The following SMIM14 variants were observed in gnomAD, a reference collection of about 807,000 sequenced individuals.
SMIM14 encodes small integral membrane protein 14, also known as chromosome 4 open reading frame 34.
SMIM14 carries 5 observed loss-of-function variants against 12.6 expected under a neutral mutation model. The observed-to-expected ratio is 0.40, with a 90% CI of 0.21 to 0.83. SMIM14 has a LOEUF of 0.83. Among genes scored for constraint, SMIM14 ranks in the 40% least tolerant of loss-of-function variants. The pLI, the probability that SMIM14 is intolerant of heterozygous loss-of-function variation, is 0.37. For synonymous variants in SMIM14, 30 were observed against 40.1 expected, an observed-to-expected ratio of 0.75 and a Z score of 0.95; for missense variants, 86 against 119.1, an observed-to-expected ratio of 0.72 and a Z score of 1.29.
rs1747360783 is a variant in SMIM14 at position 39,546,709 on chromosome 4, GATTAA to G, written c.*5412_*5416del. 1 of 152,188 alleles carries G rather than the reference GATTAA, an allele frequency of 6.6e-6. No individual in the cohort carries two copies. Among genetic ancestry groups the G allele is most frequent in the African/African-American group, 2.4e-5 (1 of 41,456 alleles). The allele number at this position is 152,188 out of a possible 1,614,324, so 9.4% of individuals were successfully genotyped here. On this transcript the variant is annotated 3_prime_UTR_variant, in exon 5 of 5. Coordinates refer to ENST00000295958, the MANE Select transcript of SMIM14 (RefSeq NM_174921.3). ...GTTGACATGTACATGACAATCTTTA[GATTAA>G]ATCATAAAAAGTTGACTGTCTCCAA...
chr4:39,555,128 G>A (rs1460637484), intron 4 of SMIM14, among the ~76,000 whole-genome samples: 4 of 151,298 alleles, frequency 2.6e-5, no homozygotes, highest in East Asian at 3.9e-4. Flanking sequence ...GAGCCACCGC[G>A]CCCGGCCTCA....
chr4:39,557,169 G>T (rs1356331332), intron 3 of SMIM14, among the ~76,000 whole-genome samples: 1 of 151,946 alleles, frequency 6.6e-6, no homozygotes, highest in Admixed American at 6.6e-5. Context: ...GCGCCACCAT[G>T]CCCAGCTAAT....
rs1168467013 is a variant in SMIM14, at chr4:39,546,469, G to A, written c.*5657C>T. On this transcript the variant is annotated 3_prime_UTR_variant, in exon 5 of 5. Transcript: ENST00000295958. ...AATTTTTAAAAATATGATCATGAAA[G>A]ATAATTGTAGTTGGTGTTTATGGAG... 6.6e-6 allele frequency: 1 copy of A among 152,136 alleles called. No individual in the cohort carries two copies. Among genetic ancestry groups the A allele is most frequent in the Admixed American group, 6.5e-5 (1 of 15,270 alleles). 9.4% of individuals were successfully genotyped at this position (152,136 alleles called of 1,614,324 possible). A position where few individuals can be genotyped will look rare whatever the true frequency, so the allele number is the denominator to read the frequency against.
In SMIM14 at chr4:39,617,223, T is replaced by A. The variant is rs1715259431; in HGVS notation, c.-35-12043A>T. 2.0e-5 allele frequency among the ~76,000 whole-genome samples: 3 copies of A among 152,134 alleles called. No individual in the cohort carries two copies. The South Asian group carries it at 6.2e-4, about 31-fold the overall frequency. ...ATAACATTAGTAACTTAAGGCCAAGTTTTTATCTATGGAGAGATGTTTGCA... is the reference window on the plus strand; with the variant it reads ...ATAACATTAGTAACTTAAGGCCAAGATTTTATCTATGGAGAGATGTTTGCA... On this transcript the variant is annotated intron_variant, in intron 1 of 4. Coordinates refer to ENST00000295958, the MANE Select transcript of SMIM14 (RefSeq NM_174921.3).
chr4:39,623,856 C>T (rs1421021034), intron 1 of SMIM14, among the ~76,000 whole-genome samples: 1 of 151,852 alleles, frequency 6.6e-6, no homozygotes, highest in Non-Finnish European at 1.5e-5. Flanking sequence ...AGCAAGACTC[C>T]ATCTGAAAAA....
chr4:39,576,755 G>A (rs1713221066), intron 2 of SMIM14, among the ~76,000 whole-genome samples: 2 of 124,810 alleles, frequency 1.6e-5, no homozygotes, highest in Non-Finnish European at 1.6e-5. Flanking sequence ...TGCCTAGGCT[G>A]GCGTGCAGTG....
intron 2 of SMIM14, among the ~76,000 whole-genome samples, chr4:39,601,285 T>C (rs996920488): frequency 6.6e-6 from 1 of 152,170 alleles, no homozygotes; most frequent in Non-Finnish European, 1.5e-5. Context: ...ATAAGAACTT[T>C]AAATTCTTAA....
At chr4:39,554,733 CAA>C (rs1711917517) in intron 4 of SMIM14, among the ~76,000 whole-genome samples, 2 of 118,394 alleles carry the variant, frequency 1.7e-5, no homozygotes, top group Admixed American at 9.9e-5. Context: ...TTTAAATTGA[CAA>C]ATAAAAATTG....
Position 39,637,599 on chromosome 4 carries a change from G to GAA in SMIM14, c.-36+1138_-36+1139dup, listed in dbSNP as rs58748053. Among the ~76,000 whole-genome samples, 88 of 140,314 alleles carry GAA rather than the reference G, an allele frequency of 6.3e-4. 3 individuals are homozygous for GAA. In the South Asian group the frequency reaches 0.013, roughly 20 times the overall value. The allele number at this position is 140,314 out of a possible 152,430, so 92.1% of individuals were successfully genotyped here. A position where few individuals can be genotyped will look rare whatever the true frequency, so the allele number is the denominator to read the frequency against. On this transcript the variant is annotated intron_variant, in intron 1 of 4. Transcript: ENST00000295958. ...AGCGGTGTTCTTAAACACCACGTTGGAAAAAAAAAAAAAGTTAGGACAAAA... is the reference window on the plus strand; with the variant it reads ...AGCGGTGTTCTTAAACACCACGTTGGAAAAAAAAAAAAAAAGTTAGGACAAAA...
intron 1 of SMIM14, among the ~76,000 whole-genome samples, chr4:39,617,204 T>C (rs1715258717): frequency 6.6e-6 from 1 of 152,134 alleles, no homozygotes; most frequent in South Asian, 2.1e-4. Flanking sequence ...TCCAATAACA[T>C]TAGTAACTTA....
At chr4:39,621,972 G>A (rs1201057584) in intron 1 of SMIM14, among the ~76,000 whole-genome samples, 4 of 151,624 alleles carry the variant, frequency 2.6e-5, no homozygotes, top group Admixed American at 6.6e-5. Context: ...ATGAGCCACC[G>A]CACTCGGCCT....
chr4:39,622,874 T>A (rs574360466), intron 1 of SMIM14, among the ~76,000 whole-genome samples: 7 of 152,232 alleles, frequency 4.6e-5, no homozygotes, highest in East Asian at 3.9e-4. Flanking sequence ...AGGAAAAAAA[T>A]TTTTGGATGC....
chr4:39,556,964 T>C (rs1712047601), intron 3 of SMIM14, among the ~76,000 whole-genome samples: 1 of 151,982 alleles, frequency 6.6e-6, no homozygotes, highest in Non-Finnish European at 1.5e-5. Flanking sequence ...ACCTAATTTT[T>C]AATTTTTATT....
intron 2 of SMIM14, among the ~76,000 whole-genome samples, chr4:39,585,538 C>A (rs1713743759): frequency 6.6e-6 from 1 of 151,998 alleles, no homozygotes; most frequent in Non-Finnish European, 1.5e-5. Context: ...CTCAGGTGAT[C>A]TGCCCGCCTT....
In SMIM14 at chr4:39,552,034, A is replaced by G; in HGVS notation, c.*92T>C. The G allele has an allele frequency of 9.7e-7, 1 of 1,032,040 alleles. No individual in the cohort carries two copies. The highest frequency in any genetic ancestry group is 1.4e-6 in the Non-Finnish European group (1 of 717,530). The allele number at this position is 1,032,040 out of a possible 1,614,324, so 63.9% of individuals were successfully genotyped here. ...TCCCATATTGCAGATACAAAAGGAA[A>G]AACAGTTCTAATGGGGTTAAGAGTA... On this transcript the variant is annotated 3_prime_UTR_variant, in exon 5 of 5. Coordinates refer to ENST00000295958, the MANE Select transcript of SMIM14 (RefSeq NM_174921.3).
chr4:39,627,799 T>A (rs1278769341), intron 1 of SMIM14, among the ~76,000 whole-genome samples: 2 of 152,228 alleles, frequency 1.3e-5, no homozygotes, highest in Non-Finnish European at 1.5e-5. Flanking sequence ...TTTACTCTTG[T>A]ACAATCCTAA....
At chr4:39,614,847 G>A (rs547742836) in intron 1 of SMIM14, among the ~76,000 whole-genome samples, 2 of 152,114 alleles carry the variant, frequency 1.3e-5, no homozygotes, top group African/African-American at 2.4e-5. Context: ...TGAATGTTGG[G>A]AAGGCAAAAA....
intron 2 of SMIM14, among the ~76,000 whole-genome samples, chr4:39,583,091 C>T (rs1456532739): frequency 6.6e-6 from 1 of 151,940 alleles, no homozygotes; most frequent in East Asian, 1.9e-4. Context: ...CGCATCCAGC[C>T]GTTTTGTTTT....
intron 2 of SMIM14, among the ~76,000 whole-genome samples, chr4:39,581,441 C>T (rs1242951346): frequency 6.6e-6 from 1 of 151,912 alleles, no homozygotes; most frequent in Admixed American, 6.6e-5. Context: ...AATTAAAAGA[C>T]ACACACACAG....
Sources: gnomAD v4.1 joint callset for allele counts (sites outside exome capture counted in the v4.1 genomes callset) on GRCh38, gnomAD v4.1.1 for gene constraint, MANE v1.5 for transcripts, NCBI Gene and HGNC (gene_info 2026-07-23, HGNC 2026-07-21) for gene names.